SERPINB7: variants seen among roughly 807,000 people sequenced by gnomAD.
SERPINB7 encodes serpin family B member 7, also known as serpin B7.
Under a neutral mutation model 37.4 loss-of-function variants are expected in SERPINB7, and 31 were observed. The observed-to-expected ratio is 0.83, with a 90% CI of 0.62 to 1.12. The LOEUF (loss-of-function observed/expected upper bound fraction) is 1.12. SERPINB7 is among the 50% of genes most tolerant of loss of function. The pLI is 0.00. For synonymous variants in SERPINB7, 163 were observed against 166.1 expected (o/e 0.98, Z 0.14); for missense variants, 521 against 455.3 (o/e 1.14, Z -1.31).
chr18:63,760,310 T>G (rs1034450352), intron 1 of SERPINB7, among the ~76,000 whole-genome samples: 3 of 152,146 alleles, frequency 2.0e-5, no homozygotes. Flanking sequence ...AAAATGATGA[T>G]TTAGGATATC....
intron 2 of SERPINB7, among the ~76,000 whole-genome samples, chr18:63,785,551 A>G (rs1278782593): frequency 2.0e-5 from 3 of 152,150 alleles, no homozygotes; most frequent in Non-Finnish European, 4.4e-5. Context: ...TATTAAATAT[A>G]TAGTATAGAG....
At chr18:63,799,508 A>G (rs2049524222) in intron 6 of SERPINB7, among the ~76,000 whole-genome samples, 1 of 152,226 alleles carries the variant, frequency 6.6e-6, no homozygotes. Context: ...CACCCTATGT[A>G]ATGTAGCTAT....
upstream of SERPINB7, among the ~76,000 whole-genome samples, chr18:63,771,368 G>C (rs1458448638): frequency 6.6e-6 from 1 of 151,938 alleles, no homozygotes; most frequent in Non-Finnish European, 1.5e-5. Flanking sequence ...ACTGGATCCT[G>C]GTGGCTCCCA....
intron 1 of SERPINB7, among the ~76,000 whole-genome samples, chr18:63,779,901 G>T (rs1012009409): frequency 1.3e-5 from 2 of 151,974 alleles, no homozygotes; most frequent in South Asian, 4.2e-4. Flanking sequence ...GGCATAATTT[G>T]TAAAACAACA....
At chr18:63,797,278 CA>C (rs1282653992) in intron 5 of SERPINB7, among the ~76,000 whole-genome samples, 2 of 152,120 alleles carry the variant, frequency 1.3e-5, no homozygotes, top group African/African-American at 4.8e-5. Context: ...TGCAAACTTT[CA>C]GCAGCATACA....
chr18:63,771,782 C>T (rs149066669), upstream of SERPINB7, among the ~76,000 whole-genome samples: 1 of 151,888 alleles, frequency 6.6e-6, no homozygotes, highest in African/African-American at 2.4e-5. Flanking sequence ...TTTTTTTAAG[C>T]AGATTTTGTG....
chr18:63,794,451 G>A (rs563127169), intron 4 of SERPINB7, among the ~76,000 whole-genome samples: 34 of 152,080 alleles, frequency 2.2e-4, no homozygotes, highest in South Asian at 4.1e-4. Context: ...AGCACTTTGG[G>A]AGGCCGAGGC....
intron 2 of SERPINB7, among the ~76,000 whole-genome samples, chr18:63,783,472 T>C (rs1204832234): frequency 6.6e-6 from 1 of 152,118 alleles, no homozygotes; most frequent in Admixed American, 6.5e-5. Context: ...CATCCCAGTT[T>C]AAGCACTGGT....
At chr18:63,762,529 G>A (rs1052166260) in intron 1 of SERPINB7, among the ~76,000 whole-genome samples, 11 of 152,276 alleles carry the variant, frequency 7.2e-5, no homozygotes, top group Admixed American at 4.6e-4. Context: ...GAAAGGAAAT[G>A]GGAAGAGATT....
In SERPINB7 at chr18:63,782,371, CA is replaced by C. The variant is rs774984240; in HGVS notation, c.1del. 1.2e-5 allele frequency: 20 copies of C among 1,608,132 alleles called. No homozygotes were observed. The highest frequency in any genetic ancestry group is 1.4e-5 in the Non-Finnish European group (16 of 1,176,454). ...GTCCTCTAGGCTGCACTCCATTTTGCAATGGCCTCCCTTGCTGCAGCAAATG... is the reference window on the plus strand; with the variant it reads ...GTCCTCTAGGCTGCACTCCATTTTGCATGGCCTCCCTTGCTGCAGCAAATG... On this transcript the variant is annotated 5_prime_UTR_variant, in exon 2 of 8. Coordinates refer to ENST00000398019, the MANE Select transcript of SERPINB7 (RefSeq NM_003784.4).
At chr18:63,756,073 A>T (rs950543312) in intron 1 of SERPINB7, among the ~76,000 whole-genome samples, 2 of 137,752 alleles carry the variant, frequency 1.5e-5, no homozygotes, top group African/African-American at 5.4e-5. Flanking sequence ...AATATAATAT[A>T]AATATTATAT....
chr18:63,798,628 A>AAGGTGGCAT lies in SERPINB7; in HGVS notation c.481_489dup (p.Gly161_Ile163dup). On this transcript the variant is annotated inframe_insertion, in exon 6 of 8. Transcript: ENST00000398019. ...GGCAAAATCAAGAACGTGATTGGTG[A>AAGGTGGCAT]AGGTGGCATAAGCTCATCTGCTGTA... 1 of 1,580,980 alleles carries AAGGTGGCAT rather than the reference A, an allele frequency of 6.3e-7. No individual in the cohort carries two copies. The highest frequency in any genetic ancestry group is 1.4e-5 in the African/African-American group (1 of 73,826).
rs1368275562 is a variant in SERPINB7, at chr18:63,798,649, C to T, written c.500C>T (p.Ala167Val). 3 of 1,608,978 alleles carry T rather than the reference C, an allele frequency of 1.9e-6. No individual in the cohort carries two copies. Among genetic ancestry groups the T allele is most frequent in the South Asian group, 1.1e-5 (1 of 89,748 alleles). Residue 167 changes from alanine (A) to valine (V), a missense_variant, in exon 6 of 8, where the codon GCT (alanine) becomes GTT (valine). Physicochemically the swap from Ala to Val is moderately conservative, Grantham distance 64. Transcript: ENST00000398019. ...VIGEGGISSSAVMVLVNAVYF... is the reference protein window; with the variant it reads ...VIGEGGISSSVVMVLVNAVYF... ...GGTGAAGGTGGCATAAGCTCATCTG[C>T]TGTAATGGTGCTGGTGAATGCTGTG...
chr18:63,784,518 A>G (rs1484367617), intron 2 of SERPINB7, among the ~76,000 whole-genome samples: 1 of 152,250 alleles, frequency 6.6e-6, no homozygotes, highest in Non-Finnish European at 1.5e-5. Flanking sequence ...GTATTTTGAT[A>G]AATAAATATA....
At chr18:63,758,145 CATT>C (rs1332730801) in intron 1 of SERPINB7, among the ~76,000 whole-genome samples, 3 of 152,166 alleles carry the variant, frequency 2.0e-5, no homozygotes, top group Admixed American at 6.5e-5. Flanking sequence ...CATACTGTAT[CATT>C]GTCATTGCCA....
At chr18:63,790,832 A>G (rs563706528) in intron 2 of SERPINB7, among the ~76,000 whole-genome samples, 1 of 152,326 alleles carries the variant, frequency 6.6e-6, no homozygotes, top group Non-Finnish European at 1.5e-5. Context: ...ATAAAGACGC[A>G]TGCACACGTA....
At chr18:63,792,696 C>G (rs1276654644) in intron 3 of SERPINB7, among the ~76,000 whole-genome samples, 1 of 152,188 alleles carries the variant, frequency 6.6e-6, no homozygotes, top group African/African-American at 2.4e-5. Flanking sequence ...GAATGTGGAA[C>G]TATCCTTTCA....
At position 63,782,399 on chromosome 18, in the gene SERPINB7, A is replaced by G. The variant is rs2049309280; in HGVS notation, c.27A>G (p.Ala9=). MASLAAAN[A]EFCFNLFREM... ...TGGCCTCCCTTGCTGCAGCAAATGC[A>G]GAGTTTTGCTTCAACCTGTTCAGAG... The change falls in exon 2 of 8, where the codon GCA becomes GCG. Residue 9 remains alanine, a synonymous_variant. Coordinates refer to ENST00000398019, the MANE Select transcript of SERPINB7 (RefSeq NM_003784.4). 1 of 1,612,868 alleles carries G rather than the reference A, an allele frequency of 6.2e-7. No individual in the cohort carries two copies. Among genetic ancestry groups the G allele is most frequent in the Middle Eastern group, 1.7e-4 (1 of 6,052 alleles).
At chr18:63,784,542 A>C (rs868404465) in intron 2 of SERPINB7, among the ~76,000 whole-genome samples, 2 of 152,230 alleles carry the variant, frequency 1.3e-5, no homozygotes, top group South Asian at 2.1e-4. Context: ...CCCTTGAAAA[A>C]CATTCAACAA....
Sources: allele counts gnomAD v4.1 joint callset (sites outside exome capture counted in the v4.1 genomes callset), GRCh38; gene constraint gnomAD v4.1.1; transcripts MANE v1.5; gene names NCBI Gene and HGNC (gene_info 2026-07-23, HGNC 2026-07-21).